Variants in PRSS54 observed in about 807,000 individuals in gnomAD.
PRSS54 encodes serine protease 54, also known as inactive serine protease 54.
PRSS54 carries 16 observed loss-of-function variants against 19.9 expected under a neutral mutation model. That is an observed-to-expected ratio of 0.80 (90% CI 0.54 to 1.22). The LOEUF (loss-of-function observed/expected upper bound fraction) is 1.22. Ranked by LOEUF, PRSS54 falls within the 50% of genes most tolerant of loss-of-function variation. PRSS54 has a pLI of 0.00. For synonymous variants in PRSS54, 177 were observed against 195.8 expected (o/e 0.90, Z 0.80); for missense variants, 444 against 494.8 (o/e 0.90, Z 0.97).
Position 58,289,419 on chromosome 16 carries a change from A to G in PRSS54, c.263+1540T>C, listed in dbSNP as rs79580234. Among the ~76,000 whole-genome samples the G allele has an allele frequency of 5.2e-3, 797 of 152,358 alleles. 5 individuals carry two copies. Among genetic ancestry groups the G allele is most frequent in the African/African-American group, 0.018 (763 of 41,572 alleles). The stretch of plus-strand genomic sequence containing the variant: ...TAGCCAGACCTATAGGTATATAGAT[A>G]TCCATGAGTGCTTTGAGTATTTAAG... On this transcript the variant is annotated intron_variant, in intron 4 of 6. Transcript: ENST00000567164.
intron 4 of PRSS54, 39 bp downstream of exon 4, chr16:58,290,920 C>A: frequency 1.2e-6 from 2 of 1,607,426 alleles, no homozygotes; most frequent in Admixed American, 1.7e-5. Flanking sequence ...CACCCTCACC[C>A]CCGGCGATGT....
Position 58,280,687 on chromosome 16 carries a change from T to C in PRSS54, c.725A>G (p.Asn242Ser). 1 of 1,614,186 alleles carries C rather than the reference T, an allele frequency of 6.2e-7. No homozygotes were observed. Among genetic ancestry groups the C allele is most frequent in the Non-Finnish European group, 8.5e-7 (1 of 1,180,028 alleles). The change falls in exon 7 of 7, where the codon AAC becomes AGC. Residue 242 changes from asparagine (N) to serine (S), a missense_variant. Transcript: ENST00000567164. The part of the protein sequence containing the change: ...FDLWVLRGVL[N>S]FGGETCPGLF... ...GCCAGGGCACGTCTCACCACCGAAG[T>C]TCAGGACTCCTCTCAGAACCCACAG...
chr16:58,280,353 G>T lies in PRSS54; in HGVS notation c.1059C>A (p.Pro353=). ...SGRSPEASVQ[P]LYYDYYGGEV... is the part of the protein sequence containing the mutation. The stretch of plus-strand genomic sequence containing the variant: ...CCCCACCGTAATAGTCATAGTATAA[G>T]GGTTGTACAGACGCCTCAGGAGACC... The change falls in exon 7 of 7, where the codon CCC becomes CCA. Residue 353 remains proline, a synonymous_variant. Transcript: ENST00000567164. 8 of 1,614,174 alleles carry T rather than the reference G, an allele frequency of 5.0e-6. No homozygotes were observed. The highest frequency in any genetic ancestry group is 6.8e-6 in the Non-Finnish European group (8 of 1,180,024).
intron 3 of PRSS54, among the ~76,000 whole-genome samples, chr16:58,293,081 G>A (rs144896183): frequency 1.2e-3 from 174 of 150,476 alleles, no homozygotes; most frequent in Admixed American, 2.0e-3. Flanking sequence ...GCATGTGTGT[G>A]TTTGAGAGTG....
intron 3 of PRSS54, 103 bp from the exon 4 acceptor site, chr16:58,291,239 C>T: frequency 1.8e-6 from 2 of 1,086,526 alleles, no homozygotes; most frequent in South Asian, 3.2e-5. Context: ...ATCCGCAACC[C>T]CTTTTCTTTC....
chr16:58,294,675 C>T (rs998564402), intron 1 of PRSS54, among the ~76,000 whole-genome samples: 1 of 152,176 alleles, frequency 6.6e-6, no homozygotes, highest in Admixed American at 6.5e-5. Context: ...CCACCGTGCC[C>T]GGCCAATAGC....
intron 4 of PRSS54, among the ~76,000 whole-genome samples, chr16:58,290,753 G>T (rs1199542165): frequency 6.6e-6 from 1 of 152,166 alleles, no homozygotes; most frequent in Non-Finnish European, 1.5e-5. Context: ...GCATTTTTCC[G>T]TTGCAAGGCC....
rs200834463 is a variant in PRSS54, at chr16:58,280,441, C to T, written c.971G>A (p.Arg324Gln). ...QGQRRTITHSRLGNSSRDSLD... is the reference protein window; with the variant it reads ...QGQRRTITHSQLGNSSRDSLD... ...ACTATCTCTAGAGCTGTTTCCTAGT[C>T]GTGAATGCGTGATGGTCCTTCTTTG... Residue 324 changes from arginine to glutamine, a missense_variant, in exon 7 of 7, where the codon CGA becomes CAA. Transcript: ENST00000567164. The T allele has an allele frequency of 6.2e-6, 10 of 1,614,138 alleles. No individual in the cohort carries two copies. The East Asian group carries it at 6.7e-5, about 11-fold the overall frequency.
At position 58,294,378 on chromosome 16, in the gene PRSS54, G is replaced by A. The variant is rs574147340; in HGVS notation, c.-231-169C>T. Among the ~76,000 whole-genome samples, 18 of 152,102 alleles carry A rather than the reference G, an allele frequency of 1.2e-4. 2 individuals carry two copies. The South Asian group carries it at 3.7e-3, about 32-fold the overall frequency. ...TTTATTTTATTTTTTTTGAGACTGA[G>A]TCTCGCTCCCTTGGCAGGCTGGAGT... On this transcript the variant is annotated intron_variant, in intron 1 of 6. Coordinates refer to ENST00000567164, the MANE Select transcript of PRSS54 (RefSeq NM_001305173.2).
intron 3 of PRSS54, 97 bp downstream of exon 3, chr16:58,293,635 C>T (rs1965085732): frequency 6.5e-7 from 1 of 1,540,884 alleles, no homozygotes; most frequent in South Asian, 1.2e-5. Flanking sequence ...TCCCTGAGCC[C>T]CTCCTTGGAC....
chr16:58,293,862 A>T, intron 2 of PRSS54, 40 bp from the exon 3 acceptor site: 1 of 1,544,186 alleles, frequency 6.5e-7, no homozygotes, highest in African/African-American at 1.4e-5. Flanking sequence ...CTCTTCCCAA[A>T]CACATGCAGG....
intron 3 of PRSS54, chr16:58,293,420 TG>T: frequency 2.1e-6 from 1 of 476,158 alleles, no homozygotes; most frequent in Non-Finnish European, 2.7e-6. Context: ...AGTATTCTCC[TG>T]GAAGGACAGG....
At position 58,284,577 on chromosome 16, in the gene PRSS54, A is replaced by G. The variant is rs1409276469; in HGVS notation, c.654+13T>C. 1 of 1,613,554 alleles carries G rather than the reference A, an allele frequency of 6.2e-7. No homozygotes were observed. The highest frequency in any genetic ancestry group is 2.2e-5 in the East Asian group (1 of 44,854). On this transcript the variant is annotated intron_variant, in intron 6 of 6. Transcript: ENST00000567164. ...ACTCTCAACACTTAGCTTCTACTCCATGATGTTCTTACCAAGCAGGCAGTC... is the reference window on the plus strand; with the variant it reads ...ACTCTCAACACTTAGCTTCTACTCCGTGATGTTCTTACCAAGCAGGCAGTC...
At chr16:58,293,924 C>G in intron 2 of PRSS54, 61 bp downstream of exon 2, 1 of 977,846 alleles carries the variant, frequency 1.0e-6, no homozygotes, top group East Asian at 2.6e-5. Flanking sequence ...ATGTTCCCTC[C>G]CAAACATCAG....
At position 58,280,286 on chromosome 16, in the gene PRSS54, AC is replaced by A; in HGVS notation, c.1125del (p.Leu375PhefsTer30). On this transcript the variant is annotated frameshift_variant, in exon 7 of 7. Coordinates refer to ENST00000567164, the MANE Select transcript of PRSS54 (RefSeq NM_001305173.2). LOFTEE classifies it high-confidence loss of function. ...ACCAAGATGATTTCTTCGGGCTGATACAACCTGTTCTGACCTGCAAAAATCC... is the reference window on the plus strand; with the variant it reads ...ACCAAGATGATTTCTTCGGGCTGATAAACCTGTTCTGACCTGCAAAAATCC... The part of the protein sequence containing the change: ...EGRIFAGQNR[L>X]YQPEEIILVS... The A allele has an allele frequency of 6.2e-7, 1 of 1,614,134 alleles. No individual in the cohort carries two copies. The highest frequency in any genetic ancestry group is 1.1e-5 in the South Asian group (1 of 91,080).
intron 3 of PRSS54, 64 bp downstream of exon 3, chr16:58,293,668 C>T (rs1294678498): frequency 1.5e-5 from 23 of 1,559,580 alleles, no homozygotes; most frequent in Admixed American, 1.1e-4. Context: ...TTCATCTTCC[C>T]GGATGATCCC....
chr16:58,292,488 A>G (rs896938207), intron 3 of PRSS54, among the ~76,000 whole-genome samples: 2 of 152,182 alleles, frequency 1.3e-5, no homozygotes, highest in Non-Finnish European at 2.9e-5. Flanking sequence ...AACAGTTTCC[A>G]AACCATGACC....
chr16:58,280,033 G>T lies in PRSS54; in HGVS notation c.*191C>A. On this transcript the variant is annotated 3_prime_UTR_variant, in exon 7 of 7. Coordinates refer to ENST00000567164, the MANE Select transcript of PRSS54 (RefSeq NM_001305173.2). The stretch of plus-strand genomic sequence containing the variant: ...TTGTTAGCCAGCATTTAGTTCACAA[G>T]CATAGTGAAAGTGACCTTCCCACAC... The T allele has an allele frequency of 1.6e-6, 1 of 644,584 alleles. No homozygotes were observed. The allele number at this position is 644,584 out of a possible 1,614,324, so 39.9% of individuals were successfully genotyped here. A position where few individuals can be genotyped will look rare whatever the true frequency, so the allele number is the denominator to read the frequency against.
chr16:58,291,165 C>G (rs764241886), intron 3 of PRSS54, 29 bp from the exon 4 acceptor site: 2 of 1,607,890 alleles, frequency 1.2e-6, no homozygotes, highest in Non-Finnish European at 1.7e-6. Flanking sequence ...GCCTCACTGC[C>G]GGGGCAAGGA....
Sources: gnomAD v4.1 joint callset for allele counts (sites outside exome capture counted in the v4.1 genomes callset) on GRCh38, gnomAD v4.1.1 for gene constraint, MANE v1.5 for transcripts, NCBI Gene and HGNC (gene_info 2026-07-23, HGNC 2026-07-21) for gene names.